Variants in ASAP3 observed in about 807,000 individuals in gnomAD.
The protein encoded by ASAP3 is arf-GAP with SH3 domain, ANK repeat and PH domain-containing protein 3.
Under a neutral mutation model 118.2 loss-of-function variants are expected in ASAP3, and 85 were observed. That is an observed-to-expected ratio of 0.72 (90% CI 0.60 to 0.86). ASAP3 has a LOEUF of 0.86. Among genes scored for constraint, ASAP3 ranks in the 40% least tolerant of loss-of-function variants. ASAP3 has a pLI of 0.00. For missense variants in ASAP3, 1,026 were observed against 1,175.0 expected (o/e 0.87, Z 1.85); for synonymous variants, 432 against 477.4 (o/e 0.90, Z 1.24).
At chr1:23,483,577 G>A (rs925060028) in intron 1 of ASAP3, among the ~76,000 whole-genome samples, 7 of 152,126 alleles carry the variant, frequency 4.6e-5, no homozygotes, top group Non-Finnish European at 7.4e-5. Context: ...AAGCGGGAGG[G>A]GGCCTCTCTG....
intron 17 of ASAP3, 184 bp downstream of exon 17, chr1:23,435,667 G>C: frequency 1.4e-6 from 1 of 699,288 alleles, no homozygotes; most frequent in Non-Finnish European, 2.5e-6. Context: ...GGAAAAAACA[G>C]AGCCAGGATT....
chr1:23,453,082 C>T (rs908794909), intron 3 of ASAP3, among the ~76,000 whole-genome samples: 2 of 152,114 alleles, frequency 1.3e-5, no homozygotes, highest in Non-Finnish European at 2.9e-5. Flanking sequence ...TGAGCCCCTT[C>T]CCTGATGGCT....
At position 23,477,571 on chromosome 1, in the gene ASAP3, G is replaced by A. The variant is rs116458084; in HGVS notation, c.129+6434C>T. On this transcript the variant is annotated intron_variant, in intron 1 of 24. Transcript: ENST00000336689. ...ATGTGTGAGTCACCTGGAGATGGGA[G>A]GTAACTAAGGCCACACGTGTGGACA... Among the ~76,000 whole-genome samples, 541 of 152,038 alleles carry A rather than the reference G, an allele frequency of 3.6e-3. 2 individuals are homozygous for A. Among genetic ancestry groups the A allele is most frequent in the African/African-American group, 0.012 (511 of 41,476 alleles).
intron 1 of ASAP3, among the ~76,000 whole-genome samples, chr1:23,467,204 A>G (rs1198348372): frequency 6.6e-6 from 1 of 150,536 alleles, no homozygotes; most frequent in Non-Finnish European, 1.5e-5. Context: ...TATTATTATT[A>G]CTATTTTTGA....
At chr1:23,461,675 A>C (rs1641591208) in intron 1 of ASAP3, among the ~76,000 whole-genome samples, 1 of 145,784 alleles carries the variant, frequency 6.9e-6, no homozygotes, top group East Asian at 2.0e-4. Context: ...GCACCCCCCC[A>C]CAAAAAAAAA....
chr1:23,436,583 A>C lies in ASAP3; in HGVS notation c.1548T>G (p.Pro516=). ...ACATGTCACTCTCAGCTGAGGGTTT[A>C]GGGCCGCCGTGTGAGGGTAGCTGGG... is the stretch of plus-strand genomic sequence containing the variant. ...MEAQLPSHGG[P]KPSAESDMGT... Residue 516 remains proline (P), a synonymous_variant, in exon 16 of 25, where the codon CCT becomes CCG. Transcript: ENST00000336689. This position sits in a 1 kb window ranked among gnomAD's most constrained non-coding sequence, Gnocchi z 4.2. 6.2e-7 allele frequency: 1 copy of C among 1,614,194 alleles called. No individual in the cohort carries two copies. Among genetic ancestry groups the C allele is most frequent in the Non-Finnish European group, 8.5e-7 (1 of 1,180,028 alleles).
chr1:23,438,913 T>C lies in ASAP3; in HGVS notation c.1015-79A>G, dbSNP rs558918859. 1 of 1,398,422 alleles carries C rather than the reference T, an allele frequency of 7.2e-7. No individual in the cohort carries two copies. The allele number at this position is 1,398,422 out of a possible 1,614,324, so 86.6% of individuals were successfully genotyped here. On this transcript the variant is annotated intron_variant, in intron 11 of 24. Coordinates refer to ENST00000336689, the MANE Select transcript of ASAP3 (RefSeq NM_017707.4). This position sits in a 1 kb window ranked among gnomAD's most constrained non-coding sequence, Gnocchi z 4.9. ...CTTTAGGCCTCCATTTCCCACTCTG[T>C]TAAATGGGCATAATCATCCTGTTCC...
chr1:23,468,995 A>G (rs903427335), intron 1 of ASAP3, among the ~76,000 whole-genome samples: 18 of 150,460 alleles, frequency 1.2e-4, no homozygotes, highest in Non-Finnish European at 2.2e-4. Context: ...TCACTTCTAG[A>G]TCCAATTACC....
intron 1 of ASAP3, among the ~76,000 whole-genome samples, chr1:23,477,159 G>A (rs1642156645): frequency 1.3e-5 from 2 of 151,430 alleles, no homozygotes; most frequent in African/African-American, 2.4e-5. Flanking sequence ...TGGGATTACA[G>A]GCACGTGCCA....
intron 5 of ASAP3, 22 bp downstream of exon 5, chr1:23,451,457 G>A (rs750609538): frequency 2.3e-5 from 37 of 1,612,330 alleles, no homozygotes; most frequent in Non-Finnish European, 3.1e-5. Context: ...CCAGACAAAC[G>A]ACCCTGGCTG....
intron 1 of ASAP3, among the ~76,000 whole-genome samples, chr1:23,476,841 C>A (rs765687503): frequency 7.2e-5 from 11 of 152,154 alleles, no homozygotes; most frequent in Non-Finnish European, 1.5e-4. Flanking sequence ...CACCCCCATA[C>A]CATTATTCTC....
intron 4 of ASAP3, 70 bp downstream of exon 4, chr1:23,452,627 G>A: frequency 1.3e-6 from 2 of 1,512,372 alleles, no homozygotes; most frequent in Non-Finnish European, 1.8e-6. Flanking sequence ...GTCCAGCCCT[G>A]CCCCCCAACA....
Position 23,475,968 on chromosome 1 carries a change from TA to T in ASAP3, c.129+8036del, listed in dbSNP as rs796310361. On this transcript the variant is annotated intron_variant, in intron 1 of 24. Transcript: ENST00000336689. ...ACCCTGTCTCTAAAAAACAAAAAATTAAAAAAAAAAATAGAATTCTTGATTT... is the reference window on the plus strand; with the variant it reads ...ACCCTGTCTCTAAAAAACAAAAAATTAAAAAAAAAATAGAATTCTTGATTT... 4.6e-3 allele frequency among the ~76,000 whole-genome samples: 658 copies of T among 142,254 alleles called. 5 individuals carry two copies. The highest frequency in any genetic ancestry group is 0.016 in the African/African-American group (606 of 38,748). The allele number at this position is 142,254 out of a possible 152,430, so 93.3% of individuals were successfully genotyped here.
At chr1:23,440,454 T>C (rs1483668592) in intron 10 of ASAP3, among the ~76,000 whole-genome samples, 1 of 111,300 alleles carries the variant, frequency 9.0e-6, no homozygotes, top group South Asian at 3.2e-4. Context: ...TGAGCTGAGA[T>C]CACGTCACTG....
intron 5 of ASAP3, among the ~76,000 whole-genome samples, chr1:23,448,651 G>C (rs1018555694): frequency 9.9e-5 from 15 of 151,884 alleles, no homozygotes; most frequent in Admixed American, 4.6e-4. Flanking sequence ...TTTTTAAATA[G>C]AGGCAAGGTC....
At chr1:23,458,109 G>A (rs1558157344) in intron 1 of ASAP3, among the ~76,000 whole-genome samples, 2 of 152,198 alleles carry the variant, frequency 1.3e-5, no homozygotes, top group African/African-American at 2.4e-5. Flanking sequence ...TTTGAGATCC[G>A]TGGAGGCCCA....
intron 1 of ASAP3, among the ~76,000 whole-genome samples, chr1:23,468,015 A>G (rs1213930910): frequency 6.6e-6 from 1 of 152,008 alleles, no homozygotes; most frequent in African/African-American, 2.4e-5. Flanking sequence ...AGAGCTTTAC[A>G]GTTTGTAAGG....
chr1:23,441,177 T>C lies in ASAP3; in HGVS notation c.869A>G (p.Tyr290Cys), dbSNP rs1233000259. ...GTTGCCTTGGTGCTGGTGGATGCTATAGCCACATCCTGAGTTCTTCCGGCT... is the reference window on the plus strand; with the variant it reads ...GTTGCCTTGGTGCTGGTGGATGCTACAGCCACATCCTGAGTTCTTCCGGCT... ...HLSRKNSGCG[Y>C]SIHQHQGNKQ... is the part of the protein sequence containing the mutation. Residue 290 changes from tyrosine (Y) to cysteine (C), a missense_variant, in exon 10 of 25, where the codon TAT becomes TGT. Coordinates refer to ENST00000336689, the MANE Select transcript of ASAP3 (RefSeq NM_017707.4). The C allele has an allele frequency of 2.5e-6, 4 of 1,614,190 alleles. No homozygotes were observed. Among genetic ancestry groups the C allele is most frequent in the Admixed American group, 1.7e-5 (1 of 60,028 alleles).
intron 1 of ASAP3, 98 bp downstream of exon 1, chr1:23,483,907 G>GC: frequency 8.6e-7 from 1 of 1,168,024 alleles, no homozygotes; most frequent in Non-Finnish European, 1.1e-6. Context: ...GTTTCGGGGC[G>GC]CGGTGAAGGG....
Sources: allele counts gnomAD v4.1 joint callset (sites outside exome capture counted in the v4.1 genomes callset), GRCh38; gene constraint gnomAD v4.1.1; non-coding constraint Gnocchi (gnomAD v3.1); transcripts MANE v1.5; gene names NCBI Gene and HGNC (gene_info 2026-07-23, HGNC 2026-07-21).